SLC44A5: variants seen among roughly 807,000 people sequenced by gnomAD.
The protein encoded by SLC44A5 is choline transporter-like protein 5.
A neutral mutation model predicts 101.8 loss-of-function variants in SLC44A5; 57 were observed. The observed-to-expected ratio is 0.56, with a 90% confidence interval of 0.45 to 0.70. The LOEUF (loss-of-function observed/expected upper bound fraction) is 0.70, where lower values mean the gene tolerates loss of function less well. SLC44A5 is among the 30% of genes least tolerant of loss of function. The pLI is 0.00. For missense variants in SLC44A5, 737 were observed against 853.1 expected (o/e 0.86, Z 1.70); for synonymous variants, 281 against 290.9 (o/e 0.97, Z 0.35).
At chr1:75,590,580 G>A (rs1674291281) in intron 1 of SLC44A5, among the ~76,000 whole-genome samples, 1 of 152,094 alleles carries the variant, frequency 6.6e-6, no homozygotes, top group South Asian at 2.1e-4. Context: ...GTGCCCTGAG[G>A]GGAGTCTAGT....
the SLC44A5 span, among the ~76,000 whole-genome samples, chr1:75,616,837 G>A: frequency 4.6e-4 from 70 of 152,330 alleles, no homozygotes; most frequent in Admixed American, 1.2e-3. Flanking sequence ...GGGGCTGTGG[G>A]AAAAGAGGGA....
chr1:75,438,417 C>A (rs1665009060), intron 2 of SLC44A5, among the ~76,000 whole-genome samples: 2 of 152,066 alleles, frequency 1.3e-5, no homozygotes, highest in Admixed American at 1.3e-4. Context: ...GCTGGGTTTG[C>A]AGAAACTAAG....
intron 2 of SLC44A5, among the ~76,000 whole-genome samples, chr1:75,423,574 A>C (rs992563651): frequency 1.3e-5 from 2 of 152,194 alleles, no homozygotes; most frequent in Non-Finnish European, 2.9e-5. Context: ...CTATTTTACT[A>C]TCGTTCTATT....
In SLC44A5 at chr1:75,576,078, A is replaced by T. The variant is rs1169454114; in HGVS notation, c.-69-34562T>A. Among the ~76,000 whole-genome samples, 3 of 151,364 alleles carry T rather than the reference A, an allele frequency of 2.0e-5. No homozygotes were observed. The South Asian group carries it at 6.4e-4, about 32-fold the overall frequency. On this transcript the variant is annotated intron_variant, in intron 1 of 23. Coordinates refer to ENST00000370859, the MANE Select transcript of SLC44A5 (RefSeq NM_001130058.2). ...GAAAACTGCCACCCTAGCTAGACAG[A>T]TGTGAAAAACAGCTCTCTAGAGTAA...
chr1:75,371,726 GC>G (rs1252437971), intron 3 of SLC44A5, among the ~76,000 whole-genome samples: 4 of 152,092 alleles, frequency 2.6e-5, no homozygotes, highest in Non-Finnish European at 5.9e-5. Context: ...CCTACGAAAA[GC>G]TAAAATGAAG....
At chr1:75,254,802 T>A (rs1649877043) in intron 6 of SLC44A5, among the ~76,000 whole-genome samples, 1 of 152,120 alleles carries the variant, frequency 6.6e-6, no homozygotes, top group Non-Finnish European at 1.5e-5. Context: ...TAATCGAAAG[T>A]TTCTTTACAG....
intron 19 of SLC44A5, among the ~76,000 whole-genome samples, chr1:75,215,302 C>T (rs1646938440): frequency 6.6e-6 from 1 of 152,042 alleles, no homozygotes; most frequent in South Asian, 2.1e-4. Flanking sequence ...CCATAGGAAA[C>T]AAGTAAAACT....
intron 3 of SLC44A5, among the ~76,000 whole-genome samples, chr1:75,343,729 A>T (rs1016130133): frequency 6.6e-5 from 10 of 152,168 alleles, no homozygotes; most frequent in Non-Finnish European, 1.5e-4. Flanking sequence ...CAAAATTAAG[A>T]CTTTAATATA....
At chr1:75,569,351 C>T (rs1672954438) in intron 1 of SLC44A5, among the ~76,000 whole-genome samples, 1 of 151,340 alleles carries the variant, frequency 6.6e-6, no homozygotes, top group Non-Finnish European at 1.5e-5. Context: ...GGTGATCCTC[C>T]CACCTCAGCT....
At chr1:75,523,986 A>G (rs527912799) in intron 2 of SLC44A5, among the ~76,000 whole-genome samples, 36 of 152,358 alleles carry the variant, frequency 2.4e-4, no homozygotes, top group African/African-American at 7.9e-4. Flanking sequence ...GTTAAGACCA[A>G]TTGATGACAT....
chr1:75,651,697 A>C, the SLC44A5 span, among the ~76,000 whole-genome samples: 1 of 47,244 alleles, frequency 2.1e-5, no homozygotes, highest in Non-Finnish European at 4.1e-5. Context: ...ACTCTGTCTC[A>C]AAAAAAAAAA....
chr1:75,293,351 A>G (rs1031378497), intron 5 of SLC44A5, among the ~76,000 whole-genome samples: 7 of 152,204 alleles, frequency 4.6e-5, no homozygotes, highest in African/African-American at 1.7e-4. Flanking sequence ...TCTGTCAAGG[A>G]GAAAATGTGA....
chr1:75,561,639 A>G (rs1277728991), intron 1 of SLC44A5, among the ~76,000 whole-genome samples: 2 of 152,180 alleles, frequency 1.3e-5, no homozygotes, highest in African/African-American at 4.8e-5. Flanking sequence ...AGGAAAATAA[A>G]ATGCTTTTAC....
At chr1:75,676,369 G>A in the SLC44A5 span, among the ~76,000 whole-genome samples, 1 of 152,174 alleles carries the variant, frequency 6.6e-6, no homozygotes, top group Non-Finnish European at 1.5e-5. Flanking sequence ...TGCAGATGCA[G>A]CCATAAAAAG....
At chr1:75,514,115 C>T (rs780577106) in intron 2 of SLC44A5, among the ~76,000 whole-genome samples, 32 of 152,054 alleles carry the variant, frequency 2.1e-4, no homozygotes, top group African/African-American at 7.0e-4. Context: ...AAAGCACTGG[C>T]GTTACTGGAG....
chr1:75,641,546 T>A, the SLC44A5 span: 1 of 1,500,356 alleles, frequency 6.7e-7, no homozygotes. Context: ...AAATGGCTTT[T>A]GAAAAACTTC....
chr1:75,230,607 T>G (rs1409779424), intron 12 of SLC44A5, among the ~76,000 whole-genome samples: 1 of 151,798 alleles, frequency 6.6e-6, no homozygotes, highest in Non-Finnish European at 1.5e-5. Flanking sequence ...GTTCTATATC[T>G]TTCTTTCTTG....
At chr1:75,333,998 A>T (rs781521715) in intron 4 of SLC44A5, among the ~76,000 whole-genome samples, 3 of 152,182 alleles carry the variant, frequency 2.0e-5, no homozygotes, top group Non-Finnish European at 2.9e-5. Flanking sequence ...TTGACCCTAG[A>T]TCTTTGCATG....
chr1:75,659,534 A>G, the SLC44A5 span, among the ~76,000 whole-genome samples: 1 of 139,806 alleles, frequency 7.2e-6, no homozygotes, highest in East Asian at 2.1e-4. Context: ...GGCAGGGAAA[A>G]CTAGGCCAGG....
Sources: allele counts gnomAD v4.1 joint callset (sites outside exome capture counted in the v4.1 genomes callset), GRCh38; gene constraint gnomAD v4.1.1; transcripts MANE v1.5; gene names NCBI Gene and HGNC (gene_info 2026-07-23, HGNC 2026-07-21).